SLC39A14: variants seen among roughly 807,000 people sequenced by gnomAD.
SLC39A14 encodes metal cation symporter ZIP14.
A neutral mutation model predicts 45.5 loss-of-function variants in SLC39A14; 19 were observed. That is an observed-to-expected ratio of 0.42 (90% CI 0.29 to 0.61). The LOEUF (loss-of-function observed/expected upper bound fraction) is 0.61. Among genes scored for constraint, SLC39A14 ranks in the 20% least tolerant of loss-of-function variants. The pLI, the probability that SLC39A14 is intolerant of heterozygous loss-of-function variation, is 0.22. For missense variants in SLC39A14, 447 were observed against 616.5 expected (o/e 0.73, Z 2.91); for synonymous variants, 264 against 251.3 (o/e 1.05, Z -0.48).
At chr8:22,381,059 C>T (rs1174932291) in intron 1 of SLC39A14, among the ~76,000 whole-genome samples, 5 of 151,820 alleles carry the variant, frequency 3.3e-5, no homozygotes, top group Admixed American at 1.3e-4. Flanking sequence ...CCACAACTTC[C>T]GTCTCCTGGG....
At chr8:22,405,513 A>G (rs1249667675) in intron 2 of SLC39A14, among the ~76,000 whole-genome samples, 1 of 152,152 alleles carries the variant, frequency 6.6e-6, no homozygotes, top group Non-Finnish European at 1.5e-5. Flanking sequence ...AATCTGTCTC[A>G]AAACAAAACA....
Position 22,422,721 on chromosome 8 carries a change from A to G in SLC39A14, c.*3023A>G. ...GATCATTTGCAATAAATGTGGATGT[A>G]ATGAAGGCTGTTGAACACAAGGTGG... On this transcript the variant is annotated 3_prime_UTR_variant, in exon 9 of 9. Transcript: ENST00000381237. The G allele has an allele frequency of 1.0e-6, 1 of 985,234 alleles. No individual in the cohort carries two copies. The highest frequency in any genetic ancestry group is 1.2e-6 in the Non-Finnish European group (1 of 829,742). The allele number at this position is 985,234 out of a possible 1,614,324, so 61.0% of individuals were successfully genotyped here.
chr8:22,375,690 A>G (rs979036390), intron 1 of SLC39A14, among the ~76,000 whole-genome samples: 1 of 152,000 alleles, frequency 6.6e-6, no homozygotes, highest in South Asian at 2.1e-4. Flanking sequence ...GGGTTTCGCC[A>G]TGTTGGCCAG....
At chr8:22,397,461 C>T (rs1289690545) in intron 1 of SLC39A14, among the ~76,000 whole-genome samples, 1 of 152,060 alleles carries the variant, frequency 6.6e-6, no homozygotes, top group Non-Finnish European at 1.5e-5. Flanking sequence ...GCCTGTAGTC[C>T]CAGCTACTCG....
chr8:22,410,145 C>G, intron 3 of SLC39A14: 3 of 1,613,048 alleles, frequency 1.9e-6, no homozygotes, highest in South Asian at 1.1e-5. Flanking sequence ...TGCGCGTCCT[C>G]TTTCCCTGGG....
intron 8 of SLC39A14, among the ~76,000 whole-genome samples, chr8:22,427,824 T>C (rs1017124791): frequency 2.6e-5 from 4 of 152,222 alleles, no homozygotes; most frequent in Non-Finnish European, 4.4e-5. Flanking sequence ...GGGATCATAC[T>C]GATTTTTCAG....
At position 22,420,933 on chromosome 8, in the gene SLC39A14, G is replaced by T; in HGVS notation, c.*1235G>T. On this transcript the variant is annotated 3_prime_UTR_variant, in exon 9 of 9. Transcript: ENST00000381237. ...TCGAATCCTGCATTGAATTGAATAT[G>T]AATTTCTCTAACTCTCTCCAGAAAA... is the stretch of plus-strand genomic sequence containing the variant. 1.0e-6 allele frequency: 1 copy of T among 985,784 alleles called. No individual in the cohort carries two copies. Among genetic ancestry groups the T allele is most frequent in the Non-Finnish European group, 1.2e-6 (1 of 829,930 alleles). 61.1% of individuals were successfully genotyped at this position (985,784 alleles called of 1,614,324 possible).
chr8:22,417,107 G>A (rs1212607361), intron 7 of SLC39A14, among the ~76,000 whole-genome samples: 1 of 152,226 alleles, frequency 6.6e-6, no homozygotes, highest in Non-Finnish European at 1.5e-5. Context: ...GGACGACGTA[G>A]GGTCAAGTTC....
At chr8:22,431,097 C>T (rs1836460160) in intron 8 of SLC39A14, among the ~76,000 whole-genome samples, 1 of 151,922 alleles carries the variant, frequency 6.6e-6, no homozygotes, top group Admixed American at 6.6e-5. Flanking sequence ...AAACAATTCT[C>T]CTGCCTCAGC....
chr8:22,370,327 A>G (rs1832860730), intron 1 of SLC39A14, among the ~76,000 whole-genome samples: 1 of 152,162 alleles, frequency 6.6e-6, no homozygotes, highest in African/African-American at 2.4e-5. Flanking sequence ...TTGCAGAATC[A>G]TGGGGTTTAC....
At chr8:22,368,297 G>A (rs1006603789) in intron 1 of SLC39A14, among the ~76,000 whole-genome samples, 1 of 151,900 alleles carries the variant, frequency 6.6e-6, no homozygotes, top group African/African-American at 2.4e-5. Context: ...GTCTTTAGTG[G>A]CTCTCCCCTA....
At chr8:22,388,387 G>A (rs1160256883) in intron 1 of SLC39A14, among the ~76,000 whole-genome samples, 1 of 152,188 alleles carries the variant, frequency 6.6e-6, no homozygotes, top group East Asian at 1.9e-4. Flanking sequence ...AAACGTGTAG[G>A]GATGGAGGGG....
At position 22,422,294 on chromosome 8, in the gene SLC39A14, C is replaced by T; in HGVS notation, c.*2596C>T. 2.0e-6 allele frequency: 2 copies of T among 985,712 alleles called. No individual in the cohort carries two copies. Among genetic ancestry groups the T allele is most frequent in the Non-Finnish European group, 2.4e-6 (2 of 829,950 alleles). The allele number at this position is 985,712 out of a possible 1,614,324, so 61.1% of individuals were successfully genotyped here. A position where few individuals can be genotyped will look rare whatever the true frequency, so the allele number is the denominator to read the frequency against. On this transcript the variant is annotated 3_prime_UTR_variant, in exon 9 of 9. Coordinates refer to ENST00000381237, the MANE Select transcript of SLC39A14 (RefSeq NM_001128431.4). ...GGTTCTGCTCCTTCTCACTTCACCA[C>T]CGGCACACAGCTTGCCCCTGTCTTT...
At chr8:22,406,306 C>G (rs1043426692) in intron 2 of SLC39A14, among the ~76,000 whole-genome samples, 1 of 149,754 alleles carries the variant, frequency 6.7e-6, no homozygotes, top group Non-Finnish European at 1.5e-5. Flanking sequence ...AAAATTAGCT[C>G]GGTGTGGTGG....
chr8:22,387,561 T>C (rs914091621), intron 1 of SLC39A14, among the ~76,000 whole-genome samples: 1 of 152,206 alleles, frequency 6.6e-6, no homozygotes, highest in Non-Finnish European at 1.5e-5. Flanking sequence ...AAGTCACTTC[T>C]TTTGTGCCAT....
chr8:22,420,523 C>T lies in SLC39A14; in HGVS notation c.*825C>T, dbSNP rs866463718. On this transcript the variant is annotated 3_prime_UTR_variant, in exon 9 of 9. Transcript: ENST00000381237. The stretch of plus-strand genomic sequence containing the variant: ...GGCTGTGATTTTGACCTCCTCTTCC[C>T]CACTGCCATCTTCTAAGAGACTTTG... The T allele has an allele frequency of 2.0e-6, 2 of 985,320 alleles. No homozygotes were observed. Among genetic ancestry groups the T allele is most frequent in the East Asian group, 1.1e-4 (1 of 8,828 alleles). The allele number at this position is 985,320 out of a possible 1,614,324, so 61.0% of individuals were successfully genotyped here.
rs1390390557 is a variant in SLC39A14, at chr8:22,404,789, G to A, written c.79G>A (p.Glu27Lys). 6.2e-7 allele frequency: 1 copy of A among 1,613,360 alleles called. No homozygotes were observed. The highest frequency in any genetic ancestry group is 8.5e-7 in the Non-Finnish European group (1 of 1,179,494). The change falls in exon 2 of 9, where the codon GAG (glutamate) becomes AAG (lysine). Residue 27 changes from glutamate (E) to lysine (K), a missense_variant. By Grantham distance (56) the Glu-to-Lys change is moderately conservative (BLOSUM62 1). This residue lies in a region of SLC39A14 where 342 missense variants were observed against 428.1 expected (regional missense o/e 0.80). Coordinates refer to ENST00000381237, the MANE Select transcript of SLC39A14 (RefSeq NM_001128431.4). ...TLLGLWRTTP[E>K]AHASSLGAPA... ...GCTTGGCTTATGGAGAACCACCCCT[G>A]AGGCTCACGCTTCATCCCTGGGTGC...
chr8:22,397,743 C>G (rs367909576), intron 1 of SLC39A14, among the ~76,000 whole-genome samples: 1 of 152,232 alleles, frequency 6.6e-6, no homozygotes, highest in South Asian at 2.1e-4. Context: ...GAGAGCTAAC[C>G]TTGAGCCATG....
intron 1 of SLC39A14, among the ~76,000 whole-genome samples, chr8:22,377,709 G>A (rs147914670): frequency 6.6e-5 from 10 of 152,050 alleles, no homozygotes; most frequent in East Asian, 1.9e-4. Flanking sequence ...TCCTATTATC[G>A]TGGCCCTGAT....
Sources: allele counts gnomAD v4.1 joint callset (sites outside exome capture counted in the v4.1 genomes callset), GRCh38; gene constraint gnomAD v4.1.1; regional missense constraint gnomAD v4.1.1; transcripts MANE v1.5; gene names NCBI Gene and HGNC (gene_info 2026-07-23, HGNC 2026-07-21).